Variants in TBL1X observed in about 807,000 individuals in gnomAD.
TBL1X encodes transducin beta like 1 X-linked, also known as F-box-like/WD repeat-containing protein TBL1X.
In TBL1X, 10 loss-of-function variants were observed where a neutral mutation model predicts 50.7. The ratio of observed to expected loss-of-function variants is 0.20; its 90% CI spans 0.12 to 0.33. The LOEUF (loss-of-function observed/expected upper bound fraction) is 0.33, where lower values mean the gene tolerates loss of function less well. TBL1X is among the 10% of genes least tolerant of loss of function. The probability of loss-of-function intolerance (pLI) is 1.00; values close to 1 mark genes in which losing one functional copy is unlikely to be tolerated. For missense variants in TBL1X, 340 were observed against 504.4 expected (o/e 0.67, Z 3.12); for synonymous variants, 190 against 214.7 (o/e 0.88, Z 1.01).
intron 1 of TBL1X, among the ~76,000 whole-genome samples, chrX:9,493,996 T>A (rs1316576979): frequency 9.0e-6 from 1 of 111,287 alleles, no homozygotes; most frequent in East Asian, 2.8e-4. Context: ...AAATGTTCTC[T>A]GAGGTTGTTT....
At position 9,716,274 on chromosome X, in the gene TBL1X, G is replaced by A; in HGVS notation, c.*28G>A. The A allele has an allele frequency of 1.7e-6, 2 of 1,195,012 alleles. No homozygotes were observed. The highest frequency in any genetic ancestry group is 1.1e-6 in the Non-Finnish European group (1 of 883,345). ...ACAAAATATTATCGAAAAAAGAAAA[G>A]AATTCTAATGACCAGCCGTGAATGT... is the stretch of plus-strand genomic sequence containing the variant. On this transcript the variant is annotated 3_prime_UTR_variant, in exon 18 of 18. Coordinates refer to ENST00000645353, the MANE Select transcript of TBL1X (RefSeq NM_005647.4).
intron 2 of TBL1X, among the ~76,000 whole-genome samples, chrX:9,520,310 G>A (rs1017991353): frequency 6.3e-5 from 7 of 111,099 alleles, no homozygotes; most frequent in African/African-American, 2.0e-4. Flanking sequence ...ATCTTTGACC[G>A]CCCCCCGCCC....
At chrX:9,467,880 G>C (rs1410703532) in intron 1 of TBL1X, among the ~76,000 whole-genome samples, 3 of 112,058 alleles carry the variant, frequency 2.7e-5, no homozygotes, top group African/African-American at 9.7e-5. Flanking sequence ...GAGGAGAGAC[G>C]TTTCAGATCT....
At chrX:9,544,502 C>T (rs1476605316) in intron 2 of TBL1X, among the ~76,000 whole-genome samples, 2 of 110,166 alleles carry the variant, frequency 1.8e-5, no homozygotes, top group East Asian at 2.8e-4. Context: ...TTTCCTTAAA[C>T]GACAGTGAAC....
intron 2 of TBL1X, among the ~76,000 whole-genome samples, chrX:9,595,082 C>A (rs1003696025): frequency 8.9e-6 from 1 of 112,065 alleles, no homozygotes; most frequent in Non-Finnish European, 1.9e-5. Flanking sequence ...CAGGGGACAT[C>A]TTCCTGTCTC....
At chrX:9,564,731 CAA>C (rs1325314175) in intron 2 of TBL1X, among the ~76,000 whole-genome samples, 1 of 76,765 alleles carries the variant, frequency 1.3e-5, no homozygotes. Flanking sequence ...GACTCTGTCT[CAA>C]AAAAAAAAAA....
intron 1 of TBL1X, among the ~76,000 whole-genome samples, chrX:9,490,992 T>G (rs1346419917): frequency 9.1e-6 from 1 of 110,195 alleles, no homozygotes; most frequent in East Asian, 2.8e-4. Context: ...TTTAATTTTT[T>G]TTTTGAGAGG....
At chrX:9,626,241 A>G (rs2146573394) in intron 2 of TBL1X, among the ~76,000 whole-genome samples, 1 of 111,936 alleles carries the variant, frequency 8.9e-6, no homozygotes, top group South Asian at 3.7e-4. Flanking sequence ...AGACCTCAGC[A>G]TCCCATGCCC....
intron 2 of TBL1X, among the ~76,000 whole-genome samples, chrX:9,612,342 C>T (rs191502287): frequency 1.8e-3 from 204 of 111,370 alleles, no homozygotes; most frequent in Non-Finnish European, 2.8e-3. Context: ...GTAGAGCCTG[C>T]GGGCACTGTG....
At chrX:9,500,296 A>G (rs1207894063) in intron 1 of TBL1X, among the ~76,000 whole-genome samples, 2 of 62,192 alleles carry the variant, frequency 3.2e-5, no homozygotes, top group African/African-American at 5.4e-5. Context: ...AAAAAAAAAA[A>G]GCAAGAAAAA....
chrX:9,480,624 C>T (rs1439494325), intron 1 of TBL1X, among the ~76,000 whole-genome samples: 3 of 110,637 alleles, frequency 2.7e-5, no homozygotes, highest in Admixed American at 9.6e-5. Flanking sequence ...AAGATTTTTG[C>T]CTTTTAAAAA....
chrX:9,628,997 C>T (rs2082706948), intron 2 of TBL1X, among the ~76,000 whole-genome samples: 1 of 112,836 alleles, frequency 8.9e-6, no homozygotes, highest in Admixed American at 9.3e-5. Flanking sequence ...TGCCCTCAGG[C>T]ACCTGTGGGC....
intron 2 of TBL1X, among the ~76,000 whole-genome samples, chrX:9,556,507 A>G (rs1347134291): frequency 9.3e-6 from 1 of 108,047 alleles, no homozygotes; most frequent in Non-Finnish European, 1.9e-5. Flanking sequence ...AAAAAAAAAA[A>G]AGCCAGGCAT....
intron 2 of TBL1X, among the ~76,000 whole-genome samples, chrX:9,538,507 T>A (rs1184397089): frequency 8.9e-6 from 1 of 112,313 alleles, no homozygotes; most frequent in Non-Finnish European, 1.9e-5. Context: ...TCTGTCGAAA[T>A]ATTAGGACGT....
intron 2 of TBL1X, among the ~76,000 whole-genome samples, chrX:9,532,588 C>A (rs956428538): frequency 9.0e-6 from 1 of 111,072 alleles, no homozygotes; most frequent in Admixed American, 9.4e-5. Context: ...CGCAGCACCA[C>A]GTGCCGGGCG....
intron 1 of TBL1X, among the ~76,000 whole-genome samples, chrX:9,497,203 G>T (rs1239554924): frequency 9.1e-6 from 1 of 110,355 alleles, no homozygotes; most frequent in African/African-American, 3.3e-5. Flanking sequence ...GAGCCCAGGG[G>T]TTTGAGACCA....
chrX:9,658,629 C>T (rs1358553200), intron 5 of TBL1X, among the ~76,000 whole-genome samples: 1 of 111,782 alleles, frequency 8.9e-6, no homozygotes, highest in Non-Finnish European at 1.9e-5. Context: ...AAAACATGTT[C>T]TCCCAGACCC....
chrX:9,512,104 CT>C (rs750524194), intron 2 of TBL1X, among the ~76,000 whole-genome samples: 12 of 111,544 alleles, frequency 1.1e-4, no homozygotes, highest in Admixed American at 9.5e-4. Flanking sequence ...AGTGATCCTC[CT>C]GCCTCAGCCT....
intron 5 of TBL1X, among the ~76,000 whole-genome samples, chrX:9,683,796 A>G (rs1303868700): frequency 1.8e-5 from 2 of 111,078 alleles, no homozygotes; most frequent in Non-Finnish European, 1.9e-5. Context: ...CGGTTCTACC[A>G]TTTAAGTCCC....
Sources: gnomAD v4.1 joint callset for allele counts (sites outside exome capture counted in the v4.1 genomes callset) on GRCh38, gnomAD v4.1.1 for gene constraint, MANE v1.5 for transcripts, NCBI Gene and HGNC (gene_info 2026-07-23, HGNC 2026-07-21) for gene names.